The following CARD10 variants were observed in gnomAD, a reference collection of about 807,000 sequenced individuals.
CARD10 encodes caspase recruitment domain-containing protein 10.
Under a neutral mutation model 114.6 loss-of-function variants are expected in CARD10, and 49 were observed. The ratio of observed to expected loss-of-function variants is 0.43; its 90% CI spans 0.34 to 0.54. CARD10 has a LOEUF of 0.54. Ranked by LOEUF, CARD10 falls within the 20% of genes least tolerant of loss-of-function variation. CARD10 has a pLI of 0.03. For synonymous variants in CARD10, 602 were observed against 593.2 expected (o/e 1.01, Z -0.21); for missense variants, 1,206 against 1,397.2 (o/e 0.86, Z 2.18).
chr22:37,509,019 G>A (rs1018767334), intron 4 of CARD10: 2 of 1,550,016 alleles, frequency 1.3e-6, no homozygotes, highest in African/African-American at 2.7e-5. Flanking sequence ...ATCCAGGGCA[G>A]CAGACGGAGG....
At chr22:37,495,417 G>A (rs749704471) in intron 15 of CARD10, 100 bp downstream of exon 15, 47 of 848,344 alleles carry the variant, frequency 5.5e-5, no homozygotes, top group Middle Eastern at 6.8e-4. Flanking sequence ...GAAGGAGGGA[G>A]GGAGTGTCTT....
At chr22:37,509,649 G>A (rs1353222649) in intron 4 of CARD10, among the ~76,000 whole-genome samples, 1 of 136,484 alleles carries the variant, frequency 7.3e-6, no homozygotes, top group African/African-American at 3.0e-5. Context: ...CCCGCAGCCT[G>A]TGCCCATGAA....
At chr22:37,493,076 T>A (rs531574152) in intron 16 of CARD10, among the ~76,000 whole-genome samples, 59 of 152,224 alleles carry the variant, frequency 3.9e-4, no homozygotes, top group African/African-American at 1.2e-3. Flanking sequence ...CTCCCCTGCT[T>A]TCAACACACC....
At chr22:37,495,118 A>C (rs1225691140) in intron 15 of CARD10, among the ~76,000 whole-genome samples, 1 of 151,880 alleles carries the variant, frequency 6.6e-6, no homozygotes, top group African/African-American at 2.4e-5. Context: ...ACCCGCCACC[A>C]CGCCCGGCTA....
In CARD10 at chr22:37,519,082, C is replaced by T; in HGVS notation, c.119G>A (p.Arg40His). 1 of 1,582,330 alleles carries T rather than the reference C, an allele frequency of 6.3e-7. No individual in the cohort carries two copies. The highest frequency in any genetic ancestry group is 8.5e-7 in the Non-Finnish European group (1 of 1,172,520). ...RIEGVRHRLARALNPAKLTPY... is the reference protein window; with the variant it reads ...RIEGVRHRLAHALNPAKLTPY... Reference sequence around the variant, plus strand: ...CGTGAGCTTGGCCGGGTTCAGGGCGCGAGCCAGCCGATGCCGGACGCCCTC... The same window carrying T: ...CGTGAGCTTGGCCGGGTTCAGGGCGTGAGCCAGCCGATGCCGGACGCCCTC... Residue 40 changes from arginine (R) to histidine (H), a missense_variant, in exon 1 of 20, where the codon CGC (arginine) becomes CAC (histidine). Physicochemically the swap from Arg to His is conservative, Grantham distance 29 (BLOSUM62 0). Coordinates refer to ENST00000251973, the MANE Select transcript of CARD10 (RefSeq NM_014550.4). This position sits in a 1 kb window ranked among gnomAD's most constrained non-coding sequence, Gnocchi z 4.1.
At chr22:37,498,913 G>T (rs935890664) in intron 11 of CARD10, among the ~76,000 whole-genome samples, 3 of 133,468 alleles carry the variant, frequency 2.2e-5, no homozygotes, top group Admixed American at 7.5e-5. Context: ...GGTGGGGGGG[G>T]GGGGCACATG....
chr22:37,519,400 G>A lies in CARD10; in HGVS notation c.-200C>T, dbSNP rs1923957345. On this transcript the variant is annotated 5_prime_UTR_variant, in exon 1 of 20. Transcript: ENST00000251973. This position sits in a 1 kb window ranked among gnomAD's most constrained non-coding sequence, Gnocchi z 4.1. ...TCCGCACTCGGGCGGCGGCTCCGCCGGCGCAGGGGGGCGGTGCCCGTGGCG... is the reference window on the plus strand; with the variant it reads ...TCCGCACTCGGGCGGCGGCTCCGCCAGCGCAGGGGGGCGGTGCCCGTGGCG... 1.7e-6 allele frequency: 2 copies of A among 1,189,760 alleles called. No individual in the cohort carries two copies. Among genetic ancestry groups the A allele is most frequent in the South Asian group, 4.3e-5 (1 of 23,258 alleles). 73.7% of individuals were successfully genotyped at this position (1,189,760 alleles called of 1,614,324 possible). A position where few individuals can be genotyped will look rare whatever the true frequency, so the allele number is the denominator to read the frequency against.
In CARD10 at chr22:37,507,876, C is replaced by T. The variant is rs61746683; in HGVS notation, c.1144G>A (p.Ala382Thr). 1.5e-3 allele frequency: 2,373 copies of T among 1,614,180 alleles called. 25 individuals carry two copies. The African/African-American group carries it at 0.028, about 19-fold the overall frequency. Residue 382 changes from alanine (A) to threonine (T), a missense_variant, in exon 6 of 20, where the codon GCC (alanine) becomes ACC (threonine). Physicochemically the swap from Ala to Thr is moderately conservative, Grantham distance 58. Coordinates refer to ENST00000251973, the MANE Select transcript of CARD10 (RefSeq NM_014550.4). ...KDCDLYKHRM[A>T]TVLAQLEEIE... ...TCCTCCAGTTGGGCCAGGACAGTGG[C>T]CATGCGGTGCTTGTACAGGTCACAG...
chr22:37,500,639 C>A (rs1398384002), intron 11 of CARD10, among the ~76,000 whole-genome samples: 1 of 152,126 alleles, frequency 6.6e-6, no homozygotes, highest in African/African-American at 2.4e-5. Context: ...GCACACAATA[C>A]GGATGTGAGA....
At position 37,496,092 on chromosome 22, in the gene CARD10, CCCTCTCGAGGCCTGAGTT is replaced by C. The variant is rs1569162740; in HGVS notation, c.2060-107_2060-90del. The C allele has an allele frequency of 6.6e-7, 1 of 1,522,036 alleles. No individual in the cohort carries two copies. Among genetic ancestry groups the C allele is most frequent in the African/African-American group, 1.4e-5 (1 of 72,932 alleles). The allele number at this position is 1,522,036 out of a possible 1,614,324, so 94.3% of individuals were successfully genotyped here. On this transcript the variant is annotated intron_variant, in intron 13 of 19. Coordinates refer to ENST00000251973, the MANE Select transcript of CARD10 (RefSeq NM_014550.4). The surrounding 1 kb of genome is among the most constrained non-coding windows in gnomAD (Gnocchi z 4.1). ...GGCCTTGGTGGGGCCAAAGACATGG[CCCTCTCGAGGCCTGAGTT>C]CCCAGGACCCGACCTTCACCTTCTT...
At position 37,495,745 on chromosome 22, in the gene CARD10, C is replaced by CT. The variant is rs1300881968; in HGVS notation, c.2303+14dup. 1.2e-6 allele frequency: 2 copies of CT among 1,613,490 alleles called. No homozygotes were observed. The highest frequency in any genetic ancestry group is 1.7e-6 in the Non-Finnish European group (2 of 1,179,738). ...CCCAGGGGGACCCCATCCCCAGCTC[C>CT]TGGCTCTGCGTCACCTCTGATAATT... On this transcript the variant is annotated intron_variant, in intron 14 of 19. Transcript: ENST00000251973.
intron 5 of CARD10, 104 bp downstream of exon 5, chr22:37,508,423 T>C: frequency 8.0e-7 from 1 of 1,248,520 alleles, no homozygotes; most frequent in Non-Finnish European, 1.1e-6. Flanking sequence ...AATGCAGTTC[T>C]CAGCGCGGCG....
Position 37,501,314 on chromosome 22 carries a change from G to C in CARD10, c.1787+1288C>G, listed in dbSNP as rs1421842892. On this transcript the variant is annotated intron_variant, in intron 11 of 19. Transcript: ENST00000251973. This position sits in a 1 kb window ranked among gnomAD's most constrained non-coding sequence, Gnocchi z 5.4. ...GCTCCTGCTCCCTGGCTGCATCCTG[G>C]CGCCCCCTGGACAACAGCCAGGACC... Among the ~76,000 whole-genome samples, 1 of 152,158 alleles carries C rather than the reference G, an allele frequency of 6.6e-6. No homozygotes were observed. Among genetic ancestry groups the C allele is most frequent in the Admixed American group, 6.5e-5 (1 of 15,284 alleles).
Position 37,506,364 on chromosome 22 carries a change from C to T in CARD10, c.1211G>A (p.Arg404Gln), listed in dbSNP as rs1362779928. ...ERDQAIQSRD[R>Q]IQLQYSQSLI... ...GCTCTGTGAGTACTGCAACTGGATCCGGTCACGGCTCTGGATGGCCTAGGG... is the reference window on the plus strand; with the variant it reads ...GCTCTGTGAGTACTGCAACTGGATCTGGTCACGGCTCTGGATGGCCTAGGG... The change falls in exon 7 of 20, where the codon CGG becomes CAG. Residue 404 changes from arginine (R) to glutamine (Q), a missense_variant. Coordinates refer to ENST00000251973, the MANE Select transcript of CARD10 (RefSeq NM_014550.4). 42 of 1,591,120 alleles carry T rather than the reference C, an allele frequency of 2.6e-5. No individual in the cohort carries two copies. The highest frequency in any genetic ancestry group is 3.4e-5 in the Non-Finnish European group (40 of 1,166,250).
chr22:37,506,234 C>A lies in CARD10; in HGVS notation c.1341G>T (p.Leu447=). 1 of 1,601,400 alleles carries A rather than the reference C, an allele frequency of 6.2e-7. No homozygotes were observed. Among genetic ancestry groups the A allele is most frequent in the Non-Finnish European group, 8.5e-7 (1 of 1,173,338 alleles). Residue 447 remains leucine, a synonymous_variant, in exon 7 of 20, where the codon CTG becomes CTT. Coordinates refer to ENST00000251973, the MANE Select transcript of CARD10 (RefSeq NM_014550.4). ...LTSLEGTKAL[L]EVQLQRAQGG... ...CCTGGGCCCGCTGCAGCTGAACCTC[C>A]AGCAGAGCCTTGGTGCCCTCCAGGC...
rs73884057 is a variant in CARD10 at position 37,492,356 on chromosome 22, G to A, written c.2751+79C>T. The A allele has an allele frequency of 1.5e-3, 1,636 of 1,098,048 alleles. 21 individuals are homozygous for A. The African/African-American group carries it at 0.022, about 14-fold the overall frequency. 68.0% of individuals were successfully genotyped at this position (1,098,048 alleles called of 1,614,324 possible). A position where few individuals can be genotyped will look rare whatever the true frequency, so the allele number is the denominator to read the frequency against. ...AGCAGAGCATGGCCCGCGCTCAGAC[G>A]CTGGCGCTCAAGCCCAGAACAGCAG... On this transcript the variant is annotated intron_variant, in intron 18 of 19. Transcript: ENST00000251973. This position sits in a 1 kb window ranked among gnomAD's most constrained non-coding sequence, Gnocchi z 5.7.
intron 3 of CARD10, among the ~76,000 whole-genome samples, chr22:37,510,901 G>A (rs1264957861): frequency 6.6e-6 from 1 of 152,018 alleles, no homozygotes; most frequent in Non-Finnish European, 1.5e-5. Flanking sequence ...GACCAACATG[G>A]TGAAACCCCG....
Position 37,510,424 on chromosome 22 carries a change from G to GGAGC in CARD10, c.700-7_700-4dup, listed in dbSNP as rs752485183. 9.3e-6 allele frequency: 15 copies of GGAGC among 1,613,076 alleles called. 1 individual carries two copies. In the South Asian group the frequency reaches 1.6e-4, roughly 18 times the overall value. ...ACTTTGAGCTTGAGCTGATCCACCTGGAGCCCAAGACATGGGTCAGCCCAG... is the reference window on the plus strand; with the variant it reads ...ACTTTGAGCTTGAGCTGATCCACCTGGAGCGAGCCCAAGACATGGGTCAGCCCAG... On this transcript the variant is annotated splice_polypyrimidine_tract_variant and splice_region_variant and intron_variant, in intron 3 of 19. Transcript: ENST00000251973.
chr22:37,518,351 T>C (rs1036839916), intron 1 of CARD10, among the ~76,000 whole-genome samples: 1 of 152,272 alleles, frequency 6.6e-6, no homozygotes, highest in East Asian at 1.9e-4. Flanking sequence ...CAGACACAGA[T>C]GCCGGCCCGC....
Sources: gnomAD v4.1 joint callset for allele counts (sites outside exome capture counted in the v4.1 genomes callset) on GRCh38, gnomAD v4.1.1 for gene constraint, Gnocchi (gnomAD v3.1) non-coding constraint, MANE v1.5 for transcripts, NCBI Gene and HGNC (gene_info 2026-07-23, HGNC 2026-07-21) for gene names.